ANKRD13C: variants seen among roughly 807,000 people sequenced by gnomAD.
ANKRD13C encodes ankyrin repeat domain-containing protein 13C.
Under a neutral mutation model 65.5 loss-of-function variants are expected in ANKRD13C, and 16 were observed. The ratio of observed to expected loss-of-function variants is 0.24; its 90% CI spans 0.17 to 0.37. ANKRD13C has a LOEUF of 0.37. Among genes scored for constraint, ANKRD13C ranks in the 10% least tolerant of loss-of-function variants. ANKRD13C has a pLI of 1.00. For missense variants in ANKRD13C, 503 were observed against 655.9 expected (o/e 0.77, Z 2.55); for synonymous variants, 235 against 238.7 (o/e 0.98, Z 0.14).
At position 70,354,281 on chromosome 1, in the gene ANKRD13C, A is replaced by G; in HGVS notation, c.128T>C (p.Ile43Thr). The change falls in exon 1 of 13, where the codon ATT becomes ACT. Residue 43 changes from isoleucine to threonine, a missense_variant. Coordinates refer to ENST00000370944, the MANE Select transcript of ANKRD13C (RefSeq NM_030816.5). ...ALGGTFTRSR[I>T]GKGGKACHKI... is the part of the protein sequence containing the mutation. Reference sequence around the variant, plus strand: ...ATGACAAGCTTTGCCGCCCTTGCCAATCCTGCTTCTGGTAAAGGTACCGCC... The same window carrying G: ...ATGACAAGCTTTGCCGCCCTTGCCAGTCCTGCTTCTGGTAAAGGTACCGCC... 2 of 1,613,848 alleles carry G rather than the reference A, an allele frequency of 1.2e-6. No homozygotes were observed. The highest frequency in any genetic ancestry group is 1.7e-6 in the Non-Finnish European group (2 of 1,180,018).
intron 7 of ANKRD13C, among the ~76,000 whole-genome samples, chr1:70,297,700 G>T (rs1680151033): frequency 6.7e-6 from 1 of 149,580 alleles, no homozygotes; most frequent in Non-Finnish European, 1.5e-5. Context: ...TGGATCACGA[G>T]GTCAGAAGAC....
intron 1 of ANKRD13C, among the ~76,000 whole-genome samples, chr1:70,350,173 G>C (rs2101642311): frequency 6.6e-6 from 1 of 152,234 alleles, no homozygotes; most frequent in African/African-American, 2.4e-5. Context: ...ACATACTCTT[G>C]CACTGCATAA....
At chr1:70,334,502 C>A (rs1681934354) in intron 2 of ANKRD13C, among the ~76,000 whole-genome samples, 1 of 152,036 alleles carries the variant, frequency 6.6e-6, no homozygotes, top group South Asian at 2.1e-4. Context: ...TGGCATGTGT[C>A]TACAGTCCCA....
intron 6 of ANKRD13C, among the ~76,000 whole-genome samples, chr1:70,303,497 G>C (rs185223676): frequency 9.8e-5 from 15 of 152,300 alleles, no homozygotes; most frequent in Non-Finnish European, 1.5e-4. Context: ...GACAAAAAGT[G>C]TACAAATATA....
At chr1:70,310,377 A>G (rs1310613020) in intron 5 of ANKRD13C, among the ~76,000 whole-genome samples, 2 of 152,242 alleles carry the variant, frequency 1.3e-5, no homozygotes, top group Non-Finnish European at 2.9e-5. Flanking sequence ...CTATAAGCCA[A>G]TGGGTTTCGT....
chr1:70,293,147 T>G (rs1484929531), intron 8 of ANKRD13C, among the ~76,000 whole-genome samples: 2 of 152,068 alleles, frequency 1.3e-5, no homozygotes, highest in African/African-American at 4.8e-5. Context: ...AATTAAAGTG[T>G]TTTAGGGAAA....
intron 8 of ANKRD13C, among the ~76,000 whole-genome samples, chr1:70,295,331 T>G (rs568573086): frequency 1.3e-5 from 2 of 152,182 alleles, no homozygotes; most frequent in Admixed American, 6.5e-5. Flanking sequence ...CACTGTAACC[T>G]CCACCTCCCG....
At chr1:70,297,286 G>GGTTTTTTTTTTTTTTTTTTTTTT (rs1558281019) in intron 7 of ANKRD13C, among the ~76,000 whole-genome samples, 2 of 125,098 alleles carry the variant, frequency 1.6e-5, no homozygotes, top group African/African-American at 6.0e-5. Flanking sequence ...GTCCCTTTCT[G>GGTTTTTTTTTTTTTTTTTTTTTT]ATTTTTTTTT....
intron 9 of ANKRD13C, among the ~76,000 whole-genome samples, chr1:70,288,475 A>G (rs567092254): frequency 1.8e-4 from 27 of 152,350 alleles, no homozygotes; most frequent in Non-Finnish European, 3.1e-4. Context: ...ATTATGGCCC[A>G]AAACAACCCA....
chr1:70,308,049 G>A (rs1179749671), intron 5 of ANKRD13C, among the ~76,000 whole-genome samples: 1 of 152,196 alleles, frequency 6.6e-6, no homozygotes, highest in African/African-American at 2.4e-5. Context: ...GTTCTTTCAT[G>A]CTCATTAATT....
intron 1 of ANKRD13C, among the ~76,000 whole-genome samples, chr1:70,336,532 A>T (rs1284809850): frequency 6.6e-6 from 1 of 152,138 alleles, no homozygotes; most frequent in Non-Finnish European, 1.5e-5. Context: ...TTATTTATTA[A>T]ATAGAAGGGA....
intron 3 of ANKRD13C, among the ~76,000 whole-genome samples, chr1:70,317,823 G>A (rs1681135400): frequency 1.3e-5 from 2 of 152,058 alleles, no homozygotes; most frequent in South Asian, 4.1e-4. Flanking sequence ...TGAATGCAGA[G>A]AATGAAAAGA....
At chr1:70,336,243 T>C (rs572430534) in intron 1 of ANKRD13C, 144 bp from the exon 2 acceptor site, 3 of 242,826 alleles carry the variant, frequency 1.2e-5, no homozygotes, top group Admixed American at 5.7e-5. Flanking sequence ...ATTGCTTATA[T>C]AGCAAATTTA....
At chr1:70,312,940 G>A (rs961826946) in intron 5 of ANKRD13C, among the ~76,000 whole-genome samples, 7 of 152,050 alleles carry the variant, frequency 4.6e-5, no homozygotes, top group East Asian at 3.9e-4. Flanking sequence ...AGGATCTTTC[G>A]TAAGTCACTG....
At chr1:70,277,057 A>G in intron 9 of ANKRD13C, among the ~76,000 whole-genome samples, 1 of 152,152 alleles carries the variant, frequency 6.6e-6, no homozygotes, top group South Asian at 2.1e-4. Flanking sequence ...TAAATCCCAA[A>G]AAGACAAATA....
At chr1:70,331,159 C>T (rs1050640685) in intron 2 of ANKRD13C, among the ~76,000 whole-genome samples, 4 of 152,162 alleles carry the variant, frequency 2.6e-5, no homozygotes, top group African/African-American at 9.7e-5. Flanking sequence ...AGAAACAGAA[C>T]GTGCCCTTCA....
At chr1:70,312,095 T>C (rs1477733179) in intron 5 of ANKRD13C, among the ~76,000 whole-genome samples, 1 of 152,178 alleles carries the variant, frequency 6.6e-6, no homozygotes, top group Non-Finnish European at 1.5e-5. Flanking sequence ...TCAGAAGAAA[T>C]CAGAAGATGT....
chr1:70,298,998 G>A (rs768297680), intron 7 of ANKRD13C, among the ~76,000 whole-genome samples: 1 of 151,502 alleles, frequency 6.6e-6, no homozygotes, highest in Non-Finnish European at 1.5e-5. Context: ...AGAACCCCAC[G>A]CCCTTGAGGA....
chr1:70,283,848 G>A (rs950687714), intron 9 of ANKRD13C, among the ~76,000 whole-genome samples: 1 of 151,892 alleles, frequency 6.6e-6, no homozygotes, highest in African/African-American at 2.4e-5. Context: ...TCATGAATAG[G>A]GCTTAACTCA....
Sources: gnomAD v4.1 joint callset for allele counts (sites outside exome capture counted in the v4.1 genomes callset) on GRCh38, gnomAD v4.1.1 for gene constraint, MANE v1.5 for transcripts, NCBI Gene and HGNC (gene_info 2026-07-23, HGNC 2026-07-21) for gene names.